PIWIL3: variants seen among roughly 807,000 people sequenced by gnomAD.
PIWIL3 encodes the protein piwi like RNA-mediated gene silencing 3.
A neutral mutation model predicts 109.7 loss-of-function variants in PIWIL3; 101 were observed. The observed-to-expected ratio is 0.92, with a 90% CI of 0.78 to 1.09. The LOEUF (loss-of-function observed/expected upper bound fraction) is 1.09, where lower values mean the gene tolerates loss of function less well. PIWIL3 is among the 50% of genes least tolerant of loss of function. The pLI is 0.00. For synonymous variants in PIWIL3, 373 were observed against 376.4 expected (o/e 0.99, Z 0.10); for missense variants, 1,031 against 1,072.6 (o/e 0.96, Z 0.54).
In PIWIL3 at chr22:24,759,282, T is replaced by C. The variant is rs532938527; in HGVS notation, c.223+587A>G. Among the ~76,000 whole-genome samples the C allele has an allele frequency of 3.3e-5, 5 of 152,360 alleles. No individual in the cohort carries two copies. The South Asian group carries it at 8.3e-4, about 25-fold the overall frequency. On this transcript the variant is annotated intron_variant, in intron 3 of 20. Coordinates refer to ENST00000616349, the MANE Select transcript of PIWIL3 (RefSeq NM_001255975.1). ...TATTCAAATGTATAAGCTCATTTTA[T>C]AGGTTCTGGATTTTGTAACCATTTG...
intron 4 of PIWIL3, among the ~76,000 whole-genome samples, chr22:24,756,908 T>C (rs1430586365): frequency 1.3e-5 from 2 of 151,688 alleles, no homozygotes; most frequent in African/African-American, 4.8e-5. Flanking sequence ...GGTGACCCCA[T>C]ATCTACTAAA....
chr22:24,727,126 C>T (rs1171819880), intron 16 of PIWIL3, among the ~76,000 whole-genome samples: 2 of 152,176 alleles, frequency 1.3e-5, no homozygotes, highest in Non-Finnish European at 2.9e-5. Flanking sequence ...TTTACCCATG[C>T]ACATCTGAAC....
intron 12 of PIWIL3, among the ~76,000 whole-genome samples, chr22:24,741,982 T>C (rs1357604018): frequency 6.6e-6 from 1 of 152,026 alleles, no homozygotes; most frequent in Non-Finnish European, 1.5e-5. Context: ...GATGATATGA[T>C]TGCATACCTA....
At chr22:24,765,072 T>G (rs1338825791) in intron 1 of PIWIL3, among the ~76,000 whole-genome samples, 2 of 152,174 alleles carry the variant, frequency 1.3e-5, no homozygotes, top group African/African-American at 4.8e-5. Context: ...ATTTCAGATA[T>G]CAAAATTCTA....
At chr22:24,749,598 C>T in intron 10 of PIWIL3, 77 bp from the exon 11 acceptor site, 1 of 1,610,500 alleles carries the variant, frequency 6.2e-7, no homozygotes, top group Non-Finnish European at 8.5e-7. Context: ...CTGGAGGAAC[C>T]TACTACCAAG....
At chr22:24,725,118 A>C in intron 17 of PIWIL3, 81 bp from the exon 18 acceptor site, 1 of 1,522,360 alleles carries the variant, frequency 6.6e-7, no homozygotes, top group South Asian at 1.2e-5. Flanking sequence ...TTCTAGGTCC[A>C]TCTTTCAACA....
intron 1 of PIWIL3, among the ~76,000 whole-genome samples, chr22:24,765,510 ATTTCTT>A (rs1925733771): frequency 6.6e-6 from 1 of 152,198 alleles, no homozygotes; most frequent in African/African-American, 2.4e-5. Flanking sequence ...GTGAATTTGT[ATTTCTT>A]TTTAATTATT....
chr22:24,720,118 C>A (rs1922574551), intron 19 of PIWIL3, among the ~76,000 whole-genome samples: 1 of 152,066 alleles, frequency 6.6e-6, no homozygotes, highest in South Asian at 2.1e-4. Context: ...TGGGATTTTG[C>A]CTTCAAGTAC....
chr22:24,765,518 T>C (rs1601854060), intron 1 of PIWIL3, among the ~76,000 whole-genome samples: 2 of 152,346 alleles, frequency 1.3e-5, no homozygotes, highest in African/African-American at 4.8e-5. Flanking sequence ...GTATTTCTTT[T>C]TAATTATTTT....
At chr22:24,741,413 A>T (rs753727022) in intron 12 of PIWIL3, among the ~76,000 whole-genome samples, 3 of 152,178 alleles carry the variant, frequency 2.0e-5, no homozygotes, top group Non-Finnish European at 4.4e-5. Flanking sequence ...CTGAGGTAGG[A>T]GAATCACTTG....
chr22:24,769,816 A>ATAG (rs1305416705), intron 1 of PIWIL3: 1 of 151,722 alleles, frequency 6.6e-6, no homozygotes, highest in Non-Finnish European at 1.5e-5. Context: ...AATAATAATA[A>ATAG]TAATAAATAC....
At position 24,729,166 on chromosome 22, in the gene PIWIL3, G is replaced by C. The variant is rs572767973; in HGVS notation, c.1708-792C>G. Among the ~76,000 whole-genome samples the C allele has an allele frequency of 2.0e-5, 3 of 152,304 alleles. No individual in the cohort carries two copies. In the South Asian group the frequency reaches 6.2e-4, roughly 32 times the overall value. The stretch of plus-strand genomic sequence containing the variant: ...CTGCACAGATGAGGACAGTTACACA[G>C]ACAGCTACACAGATAAGGGAAATTT... On this transcript the variant is annotated intron_variant, in intron 14 of 20. Coordinates refer to ENST00000616349, the MANE Select transcript of PIWIL3 (RefSeq NM_001255975.1).
Position 24,759,922 on chromosome 22 carries a change from G to C in PIWIL3, c.170C>G (p.Pro57Arg), listed in dbSNP as rs752221276. 1 of 1,614,122 alleles carries C rather than the reference G, an allele frequency of 6.2e-7. No homozygotes were observed. The highest frequency in any genetic ancestry group is 1.1e-5 in the South Asian group (1 of 91,070). Residue 57 changes from proline (P) to arginine (R), a missense_variant, in exon 3 of 21, where the codon CCT (proline) becomes CGT (arginine). Coordinates refer to ENST00000616349, the MANE Select transcript of PIWIL3 (RefSeq NM_001255975.1). ...TCCTCTTGCTGCTCTTGGCTGCAGA[G>C]GTCTAACCACTGGGACTTCCTCCTG... is the stretch of plus-strand genomic sequence containing the variant. Reference protein sequence around the residue: ...PLQEEVPVVRPLQPRAARGGA... With the variant: ...PLQEEVPVVRRLQPRAARGGA...
At chr22:24,749,142 C>A (rs192238408) in intron 11 of PIWIL3, 121 bp from the exon 12 acceptor site, 1 of 862,186 alleles carries the variant, frequency 1.2e-6, no homozygotes, top group Non-Finnish European at 1.8e-6. Context: ...CATTGAGATG[C>A]GGCAGTACCT....
intron 6 of PIWIL3, 23 bp downstream of exon 6, chr22:24,755,761 G>T (rs749107975): frequency 6.2e-7 from 1 of 1,613,326 alleles, no homozygotes; most frequent in South Asian, 1.1e-5. Flanking sequence ...GAGTATCAAA[G>T]AAACTCAACC....
In PIWIL3 at chr22:24,769,566, C is replaced by T. The variant is rs144783061; in HGVS notation, c.-23+4756G>A. The T allele has an allele frequency of 9.4e-3, 1,435 of 152,214 alleles. 16 individuals are homozygous for T. The highest frequency in any genetic ancestry group is 0.016 in the Non-Finnish European group (1,119 of 68,146). 9.4% of individuals were successfully genotyped at this position (152,214 alleles called of 1,614,324 possible). A position where few individuals can be genotyped will look rare whatever the true frequency, so the allele number is the denominator to read the frequency against. The stretch of plus-strand genomic sequence containing the variant: ...GGCAGAGCTTGCAGTGAGCCGAGAT[C>T]GTGCCATTGCACTCCAGCCTGGGAG... On this transcript the variant is annotated intron_variant, in intron 1 of 20. Coordinates refer to ENST00000616349, the MANE Select transcript of PIWIL3 (RefSeq NM_001255975.1).
In PIWIL3 at chr22:24,759,858, C is replaced by A. The variant is rs774398582; in HGVS notation, c.223+11G>T. 3.7e-6 allele frequency: 6 copies of A among 1,614,034 alleles called. No homozygotes were observed. In the South Asian group the frequency reaches 6.6e-5, roughly 18 times the overall value. On this transcript the variant is annotated intron_variant, in intron 3 of 20. Coordinates refer to ENST00000616349, the MANE Select transcript of PIWIL3 (RefSeq NM_001255975.1). ...TCCCCTGCCCCTCATGTCCTTCTTG[C>A]TTCCTTTCACCTTGAGACTGTGCTC...
intron 1 of PIWIL3, among the ~76,000 whole-genome samples, chr22:24,768,205 C>T (rs144804324): frequency 2.1e-3 from 322 of 151,926 alleles, no homozygotes; most frequent in African/African-American, 7.6e-3. Context: ...TTTTGTTTTC[C>T]CTTTTTCTTT....
chr22:24,772,887 C>T (rs1318524150), intron 1 of PIWIL3, among the ~76,000 whole-genome samples: 2 of 152,176 alleles, frequency 1.3e-5, no homozygotes, highest in African/African-American at 4.8e-5. Context: ...GATGAGGTAC[C>T]TTAACAGTTA....
Sources: gnomAD v4.1 joint callset for allele counts (sites outside exome capture counted in the v4.1 genomes callset) on GRCh38, gnomAD v4.1.1 for gene constraint, MANE v1.5 for transcripts, NCBI Gene and HGNC (gene_info 2026-07-23, HGNC 2026-07-21) for gene names.